ROBO2: variants seen among roughly 807,000 people sequenced by gnomAD.
ROBO2 encodes roundabout guidance receptor 2.
In ROBO2, 53 loss-of-function variants were observed where a neutral mutation model predicts 160.8. The observed-to-expected ratio is 0.33, with a 90% CI of 0.26 to 0.41. ROBO2 has a LOEUF of 0.41. Ranked by LOEUF, ROBO2 falls within the 10% of genes least tolerant of loss-of-function variation. ROBO2 has a pLI of 1.00. For synonymous variants in ROBO2, 664 were observed against 611.7 expected (o/e 1.09, Z -1.26); for missense variants, 1,577 against 1,722.4 (o/e 0.92, Z 1.49).
At chr3:76,273,220 T>C (rs1707702191) in intron 2 of ROBO2, among the ~76,000 whole-genome samples, 1 of 147,408 alleles carries the variant, frequency 6.8e-6, no homozygotes, top group Non-Finnish European at 1.5e-5. Context: ...TATCTAAGTA[T>C]GACTTCTACA....
rs80279209 is a variant in ROBO2 at position 76,818,648 on chromosome 3, A to C, written c.110-279366A>C. 4.9e-4 allele frequency among the ~76,000 whole-genome samples: 75 copies of C among 151,970 alleles called. 2 individuals are homozygous for C. In the East Asian group the frequency reaches 0.014, roughly 28 times the overall value. On this transcript the variant is annotated intron_variant, in intron 2 of 26. Transcript: ENST00000487694. ...TTTCAGATCTTAGATTTAAATTCTG[A>C]GAATCTAGTTTCATTCTTCTCCACG...
intron 2 of ROBO2, among the ~76,000 whole-genome samples, chr3:76,970,886 C>G (rs2059538703): frequency 6.6e-6 from 1 of 152,098 alleles, no homozygotes; most frequent in South Asian, 2.1e-4. Flanking sequence ...TTATGTCATC[C>G]TGTTACCATT....
At chr3:77,117,557 T>C (rs2074331041) in intron 2 of ROBO2, among the ~76,000 whole-genome samples, 2 of 152,198 alleles carry the variant, frequency 1.3e-5, no homozygotes, top group African/African-American at 4.8e-5. Context: ...CTCAGTATAA[T>C]TTTCTTCATA....
intron 20 of ROBO2, among the ~76,000 whole-genome samples, chr3:77,606,786 T>G (rs2094534324): frequency 6.6e-6 from 1 of 152,158 alleles, no homozygotes; most frequent in Non-Finnish European, 1.5e-5. Context: ...TGCTCACAAC[T>G]TGCGGTTCCA....
At chr3:76,738,528 C>T (rs1338207556) in intron 2 of ROBO2, among the ~76,000 whole-genome samples, 4 of 152,126 alleles carry the variant, frequency 2.6e-5, no homozygotes, top group Admixed American at 2.6e-4. Context: ...CGCCACTTGT[C>T]CCCTGGAGGA....
At chr3:77,308,100 T>A (rs116556415) in intron 2 of ROBO2, among the ~76,000 whole-genome samples, 31 of 152,178 alleles carry the variant, frequency 2.0e-4, no homozygotes, top group African/African-American at 7.2e-4. Flanking sequence ...ATTTCTTTTT[T>A]TTTTTTTTTA....
intron 2 of ROBO2, among the ~76,000 whole-genome samples, chr3:77,194,259 A>G (rs13100107): frequency 6.6e-6 from 1 of 152,010 alleles, no homozygotes; most frequent in Non-Finnish European, 1.5e-5. Flanking sequence ...TCCACTGAAG[A>G]TCTCTTCTTG....
intron 2 of ROBO2, among the ~76,000 whole-genome samples, chr3:76,022,298 C>G (rs921125182): frequency 1.3e-5 from 2 of 151,710 alleles, no homozygotes; most frequent in African/African-American, 4.8e-5. Context: ...TTCTTCTAAA[C>G]TCCTGTTATT....
Position 77,634,945 on chromosome 3 carries a change from T to G in ROBO2, c.3836T>G (p.Leu1279Arg), listed in dbSNP as rs2095238455. The change falls in exon 24 of 26, where the codon CTG becomes CGG. Residue 1279 changes from leucine (L) to arginine (R), a missense_variant. This residue lies in a region of ROBO2 where 637 missense variants were observed against 586.9 expected (regional missense o/e 1.09). Coordinates refer to ENST00000461745, the Ensembl canonical transcript of ROBO2. ...ACTGACAGTAACACCAGTGCAGCCC[T>G]GAGTCAAAGTCAGAGGCCTCGGCCC... The G allele has an allele frequency of 1.9e-6, 3 of 1,614,136 alleles. No individual in the cohort carries two copies. Among genetic ancestry groups the G allele is most frequent in the Non-Finnish European group, 2.5e-6 (3 of 1,180,014 alleles).
At position 77,177,346 on chromosome 3, in the gene ROBO2, G is replaced by A. The variant is rs574228348; in HGVS notation, c.388+79006G>A. Among the ~76,000 whole-genome samples, 6 of 151,834 alleles carry A rather than the reference G, an allele frequency of 4.0e-5. No homozygotes were observed. The East Asian group carries it at 1.2e-3, about 30-fold the overall frequency. ...TTTGTTTCATGTCATCTTATTATTG[G>A]TAGTACAGTCATCCCTCAGCATCTG... On this transcript the variant is annotated intron_variant, in intron 2 of 25. Transcript: ENST00000461745.
chr3:77,475,479 G>A (rs1014889465), intron 2 of ROBO2, among the ~76,000 whole-genome samples: 1 of 152,076 alleles, frequency 6.6e-6, no homozygotes, highest in Admixed American at 6.6e-5. Flanking sequence ...TGAATGATTT[G>A]CAATGGTATT....
At chr3:76,634,115 A>G (rs757461109) in intron 2 of ROBO2, among the ~76,000 whole-genome samples, 8 of 152,248 alleles carry the variant, frequency 5.3e-5, no homozygotes, top group Non-Finnish European at 1.0e-4. Flanking sequence ...ATTTTCTCAC[A>G]GTTCAGCAAG....
At chr3:77,397,751 G>C (rs1193495734) in intron 2 of ROBO2, among the ~76,000 whole-genome samples, 1 of 151,884 alleles carries the variant, frequency 6.6e-6, no homozygotes, top group East Asian at 1.9e-4. Context: ...CTTTTTAATA[G>C]TTTTCTGAAG....
At chr3:76,264,954 T>A (rs1707007262) in intron 2 of ROBO2, among the ~76,000 whole-genome samples, 1 of 152,190 alleles carries the variant, frequency 6.6e-6, no homozygotes, top group Non-Finnish European at 1.5e-5. Context: ...TGCAGTTTTT[T>A]TCCATAAACT....
intron 2 of ROBO2, among the ~76,000 whole-genome samples, chr3:76,835,821 C>A (rs1214132189): frequency 6.6e-6 from 1 of 151,910 alleles, no homozygotes; most frequent in Non-Finnish European, 1.5e-5. Context: ...AATTACGTTT[C>A]ACCTGGATTT....
At chr3:77,263,862 G>A (rs1223164416) in intron 2 of ROBO2, among the ~76,000 whole-genome samples, 2 of 152,132 alleles carry the variant, frequency 1.3e-5, no homozygotes, top group Non-Finnish European at 2.9e-5. Context: ...ATTTGCACAT[G>A]TGCATGCACA....
At position 76,153,477 on chromosome 3, in the gene ROBO2, CT is replaced by C. The variant is rs557169527; in HGVS notation, c.109+215880del. 1.0e-3 allele frequency among the ~76,000 whole-genome samples: 157 copies of C among 152,164 alleles called. 1 individual carries two copies. Among genetic ancestry groups the C allele is most frequent in the Non-Finnish European group, 6.9e-4 (47 of 67,984 alleles). On this transcript the variant is annotated intron_variant, in intron 2 of 26. Coordinates refer to the ROBO2 transcript ENST00000487694. ...GTTGTATTGGTGGTTTTGTTTTGGT[CT>C]TTTTGTTTTGGAGATGTGATGAAAA...
chr3:76,204,367 G>A (rs1702700190), intron 2 of ROBO2, among the ~76,000 whole-genome samples: 1 of 152,122 alleles, frequency 6.6e-6, no homozygotes, highest in Non-Finnish European at 1.5e-5. Flanking sequence ...AAAATGTGAT[G>A]TGTACCTTTC....
rs149538842 is a variant in ROBO2, at chr3:76,390,983, C to G, written c.109+453381C>G. Among the ~76,000 whole-genome samples, 57 of 151,940 alleles carry G rather than the reference C, an allele frequency of 3.8e-4. No individual in the cohort carries two copies. The East Asian group carries it at 8.9e-3, about 24-fold the overall frequency. On this transcript the variant is annotated intron_variant, in intron 2 of 26. Coordinates refer to the ROBO2 transcript ENST00000487694. ...ATCTTGGTAATGTGGACCATATGGA[C>G]AAAAACATAGAAATAATAAAATAGA... is the stretch of plus-strand genomic sequence containing the variant.
Sources: allele counts gnomAD v4.1 joint callset (sites outside exome capture counted in the v4.1 genomes callset), GRCh38; gene constraint gnomAD v4.1.1; regional missense constraint gnomAD v4.1.1; transcripts MANE v1.5; gene names NCBI Gene and HGNC (gene_info 2026-07-23, HGNC 2026-07-21).